TENM3: variants seen among roughly 807,000 people sequenced by gnomAD.
The protein encoded by TENM3 is teneurin transmembrane protein 3.
A neutral mutation model predicts 255.1 loss-of-function variants in TENM3; 63 were observed. The observed-to-expected ratio is 0.25, with a 90% CI of 0.20 to 0.30. The LOEUF (loss-of-function observed/expected upper bound fraction) is 0.30. Ranked by LOEUF, TENM3 falls within the 10% of genes least tolerant of loss-of-function variation. The pLI is 1.00. For synonymous variants in TENM3, 1,306 were observed against 1,322.3 expected (o/e 0.99, Z 0.27); for missense variants, 2,929 against 3,461.1 (o/e 0.85, Z 3.86).
In TENM3 at chr4:182,250,282, G is replaced by GACCTCGTGATCCACCC. The variant is rs540941397; in HGVS notation, c.-76+6811_-76+6812insGTGATCCACCCACCTC. ...TTAGCCAGGATGGTCTCGATCTCCT[G>GACCTCGTGATCCACCC]ACCTCATGATCCACCCGCCTTAGCC... On this transcript the variant is annotated intron_variant, in intron 1 of 27. Transcript: ENST00000511685. 7.0e-3 allele frequency among the ~76,000 whole-genome samples: 877 copies of GACCTCGTGATCCACCC among 125,512 alleles called. 12 individuals carry two copies. Among genetic ancestry groups the GACCTCGTGATCCACCC allele is most frequent in the African/African-American group, 0.034 (811 of 23,842 alleles). 82.3% of individuals were successfully genotyped at this position (125,512 alleles called of 152,430 possible).
At chr4:182,159,828 T>A (rs1750987812) in intron 1 of TENM3, among the ~76,000 whole-genome samples, 1 of 152,132 alleles carries the variant, frequency 6.6e-6, no homozygotes, top group African/African-American at 2.4e-5. Flanking sequence ...CACAGTTGCT[T>A]CAGAGGGCAA....
At chr4:182,503,985 T>C (rs1397706805) in intron 3 of TENM3, among the ~76,000 whole-genome samples, 1 of 151,934 alleles carries the variant, frequency 6.6e-6, no homozygotes, top group Non-Finnish European at 1.5e-5. Context: ...CACTTCATAC[T>C]ATCTGACATA....
chr4:182,361,382 C>T (rs1173983470), intron 3 of TENM3, among the ~76,000 whole-genome samples: 1 of 152,194 alleles, frequency 6.6e-6, no homozygotes, highest in Non-Finnish European at 1.5e-5. Context: ...TTGGTCTTTT[C>T]ACATAGTCCC....
chr4:181,508,892 CTTTT>C, the TENM3 span, among the ~76,000 whole-genome samples: 2 of 53,814 alleles, frequency 3.7e-5, no homozygotes, highest in Admixed American at 2.6e-4. Flanking sequence ...ATTTCCAACA[CTTTT>C]TTTTTTTTTT....
At chr4:182,419,010 T>A (rs1259260635) in intron 3 of TENM3, among the ~76,000 whole-genome samples, 1 of 152,178 alleles carries the variant, frequency 6.6e-6, no homozygotes, top group Non-Finnish European at 1.5e-5. Context: ...ATGATAAAAA[T>A]GGTTTTGGAA....
At chr4:182,014,774 G>A in the TENM3 span, among the ~76,000 whole-genome samples, 1 of 152,106 alleles carries the variant, frequency 6.6e-6, no homozygotes, top group Admixed American at 6.6e-5. Flanking sequence ...ACCAGGGGCG[G>A]CAGAGTCTTT....
At chr4:182,625,501 G>A (rs1750733938) in intron 4 of TENM3, among the ~76,000 whole-genome samples, 1 of 152,096 alleles carries the variant, frequency 6.6e-6, no homozygotes, top group Admixed American at 6.6e-5. Flanking sequence ...CCTATTCCTG[G>A]TCCAGGGAAA....
At chr4:181,570,258 G>A in the TENM3 span, among the ~76,000 whole-genome samples, 1 of 151,924 alleles carries the variant, frequency 6.6e-6, no homozygotes, top group African/African-American at 2.4e-5. Flanking sequence ...TGTTAGCCAG[G>A]ATGGTCTCGA....
chr4:181,981,704 A>T, the TENM3 span, among the ~76,000 whole-genome samples: 53 of 152,300 alleles, frequency 3.5e-4, no homozygotes, highest in Middle Eastern at 3.4e-3. Context: ...GGCATGAAAA[A>T]GGAGTAGATA....
At chr4:181,668,090 T>C in the TENM3 span, among the ~76,000 whole-genome samples, 27 of 152,190 alleles carry the variant, frequency 1.8e-4, no homozygotes, top group African/African-American at 5.6e-4. Flanking sequence ...GCCCAATGCA[T>C]CCCAAGTGCC....
chr4:181,629,865 G>A, the TENM3 span, among the ~76,000 whole-genome samples: 1 of 152,186 alleles, frequency 6.6e-6, no homozygotes, highest in Non-Finnish European at 1.5e-5. Context: ...ATGAGTTAGG[G>A]AGCATTCCCT....
the TENM3 span, among the ~76,000 whole-genome samples, chr4:181,660,179 G>A: frequency 8.5e-5 from 13 of 152,116 alleles, no homozygotes; most frequent in Admixed American, 7.2e-4. Flanking sequence ...CATTGTGGGG[G>A]TATGGTTAAT....
chr4:182,079,570 C>T, the TENM3 span: 2 of 152,010 alleles, frequency 1.3e-5, no homozygotes, highest in African/African-American at 2.4e-5. Flanking sequence ...GAGCAAGAGC[C>T]GTGATTTGTG....
At chr4:181,796,303 C>T in the TENM3 span, among the ~76,000 whole-genome samples, 8 of 152,176 alleles carry the variant, frequency 5.3e-5, no homozygotes, top group Non-Finnish European at 1.2e-4. Flanking sequence ...GCCCTGTCCT[C>T]ACTAGAGGGC....
the TENM3 span, among the ~76,000 whole-genome samples, chr4:181,484,380 G>A: frequency 1.3e-5 from 2 of 152,106 alleles, no homozygotes; most frequent in African/African-American, 2.4e-5. Context: ...TGACTCTTCC[G>A]GTGAGATATT....
chr4:182,486,318 G>GGGGT (rs1554074662), intron 3 of TENM3, among the ~76,000 whole-genome samples: 1 of 145,162 alleles, frequency 6.9e-6, no homozygotes, highest in East Asian at 2.1e-4. Context: ...TTGTGTGTGG[G>GGGGT]GGGGAGGGTG....
At chr4:182,071,405 A>C in the TENM3 span, among the ~76,000 whole-genome samples, 6 of 148,936 alleles carry the variant, frequency 4.0e-5, no homozygotes, top group Non-Finnish European at 7.5e-5. Context: ...TCCCATTCCC[A>C]TTATTTAGAC....
chr4:182,225,274 C>A (rs1489374898), intron 1 of TENM3, among the ~76,000 whole-genome samples: 2 of 152,106 alleles, frequency 1.3e-5, no homozygotes, highest in Non-Finnish European at 2.9e-5. Flanking sequence ...TTAAGTTTCA[C>A]AGTCATCCCT....
At chr4:181,721,109 A>T in the TENM3 span, among the ~76,000 whole-genome samples, 1 of 144,418 alleles carries the variant, frequency 6.9e-6, no homozygotes, top group Non-Finnish European at 1.5e-5. Flanking sequence ...TACCAAGGGT[A>T]AAAAAAAAAA....
Sources: gnomAD v4.1 joint callset for allele counts (sites outside exome capture counted in the v4.1 genomes callset) on GRCh38, gnomAD v4.1.1 for gene constraint, MANE v1.5 for transcripts, NCBI Gene and HGNC (gene_info 2026-07-23, HGNC 2026-07-21) for gene names.